Variants in SPAG6 observed in about 807,000 individuals in gnomAD.
SPAG6 encodes the protein sperm-associated antigen 6.
Under a neutral mutation model 58.5 loss-of-function variants are expected in SPAG6, and 49 were observed. The ratio of observed to expected loss-of-function variants is 0.84; its 90% CI spans 0.67 to 1.06. The LOEUF (loss-of-function observed/expected upper bound fraction) is 1.06. Among genes scored for constraint, SPAG6 ranks in the 50% least tolerant of loss-of-function variants. The pLI is 0.00. For synonymous variants in SPAG6, 233 were observed against 225.6 expected, an observed-to-expected ratio of 1.03 and a Z score of -0.29; for missense variants, 560 against 611.3, an observed-to-expected ratio of 0.92 and a Z score of 0.89.
intron 2 of SPAG6, among the ~76,000 whole-genome samples, chr10:22,353,565 T>C (rs1836788771): frequency 6.6e-6 from 1 of 152,236 alleles, no homozygotes; most frequent in Non-Finnish European, 1.5e-5. Context: ...GCTTTTATTT[T>C]AACTAAAATT....
Position 22,354,845 on chromosome 10 carries a change from C to T in SPAG6, c.121+9027C>T, listed in dbSNP as rs895041823. ...GCCAACATGGTAAACCCCATCTCTA[C>T]TAAAAATACAAAAATTAGCCAGGTG... On this transcript the variant is annotated intron_variant, in intron 2 of 10. Coordinates refer to ENST00000376624, the MANE Select transcript of SPAG6 (RefSeq NM_012443.4). Among the ~76,000 whole-genome samples, 4 of 152,202 alleles carry T rather than the reference C, an allele frequency of 2.6e-5. No homozygotes were observed. The South Asian group carries it at 8.3e-4, about 32-fold the overall frequency.
In SPAG6 at chr10:22,399,149, G is replaced by C. The variant is rs539336531; in HGVS notation, c.1198-2012G>C. Among the ~76,000 whole-genome samples the C allele has an allele frequency of 5.3e-5, 8 of 152,264 alleles. No homozygotes were observed. The East Asian group carries it at 1.5e-3, about 29-fold the overall frequency. On this transcript the variant is annotated intron_variant, in intron 8 of 10. Transcript: ENST00000376624. ...TAAGTCTTTTTAACAACTTTATTGA[G>C]ATATAATTTACATACCATAAATTCA... is the stretch of plus-strand genomic sequence containing the variant.
At chr10:22,401,532 A>G (rs55896335) in intron 9 of SPAG6, among the ~76,000 whole-genome samples, 6 of 152,294 alleles carry the variant, frequency 3.9e-5, no homozygotes, top group South Asian at 4.1e-4. Context: ...CTCTCATAAT[A>G]TAGATAATTT....
rs1836508236 is a variant in SPAG6 at position 22,345,844 on chromosome 10, C to T, written c.121+26C>T. 1 of 1,602,266 alleles carries T rather than the reference C, an allele frequency of 6.2e-7. No homozygotes were observed. The highest frequency in any genetic ancestry group is 1.7e-4 in the Middle Eastern group (1 of 6,052). On this transcript the variant is annotated intron_variant, in intron 2 of 10. Transcript: ENST00000376624. The surrounding 1 kb of genome is among the most constrained non-coding windows in gnomAD (Gnocchi z 6.3). Reference sequence around the variant, plus strand: ...GTGAGCCCGGAGCCCGAACCCCCGTCGCCCCCCGCGCACTGAGTCCCCGAC... The same window carrying T: ...GTGAGCCCGGAGCCCGAACCCCCGTTGCCCCCCGCGCACTGAGTCCCCGAC...
chr10:22,404,088 C>A, intron 9 of SPAG6, among the ~76,000 whole-genome samples: 1 of 120,850 alleles, frequency 8.3e-6, no homozygotes, highest in South Asian at 3.2e-4. Flanking sequence ...TGTAGGTTGC[C>A]TGTTCACTCT....
chr10:22,366,485 GGTGAT>G (rs1837206179), intron 3 of SPAG6, among the ~76,000 whole-genome samples: 1 of 152,146 alleles, frequency 6.6e-6, no homozygotes. Context: ...ACTATATAGT[GGTGAT>G]GGTTGTGCAA....
intron 4 of SPAG6, among the ~76,000 whole-genome samples, chr10:22,379,863 C>G (rs1833909435): frequency 6.6e-6 from 1 of 152,118 alleles, no homozygotes; most frequent in Non-Finnish European, 1.5e-5. Context: ...GGCATGATCA[C>G]ACCTCACTGT....
At position 22,401,704 on chromosome 10, in the gene SPAG6, T is replaced by C. The variant is rs547357358; in HGVS notation, c.1314+427T>C. ...ACTGGAGATGTTCTCAGACAGTCATTTGGAGCATATCGACTTATTTTGTGA... is the reference window on the plus strand; with the variant it reads ...ACTGGAGATGTTCTCAGACAGTCATCTGGAGCATATCGACTTATTTTGTGA... On this transcript the variant is annotated intron_variant, in intron 9 of 10. Transcript: ENST00000376624. Among the ~76,000 whole-genome samples the C allele has an allele frequency of 9.8e-4, 149 of 152,332 alleles. 1 individual carries two copies. Among genetic ancestry groups the C allele is most frequent in the South Asian group, 3.5e-3 (17 of 4,830 alleles).
chr10:22,375,377 T>C (rs1419604426), intron 4 of SPAG6, among the ~76,000 whole-genome samples: 5 of 152,208 alleles, frequency 3.3e-5, no homozygotes, highest in African/African-American at 4.8e-5. Context: ...GAATTGTACC[T>C]TGAGATAAGA....
chr10:22,356,514 G>A (rs981881289), intron 2 of SPAG6, among the ~76,000 whole-genome samples: 4 of 152,166 alleles, frequency 2.6e-5, no homozygotes, highest in African/African-American at 9.7e-5. Context: ...TTGGCCTACA[G>A]CCAAATTTGA....
chr10:22,399,358 T>C (rs1834361677), intron 8 of SPAG6, among the ~76,000 whole-genome samples: 1 of 152,198 alleles, frequency 6.6e-6, no homozygotes, highest in Non-Finnish European at 1.5e-5. Context: ...ATCTACTTTC[T>C]GTGTTTCTGA....
chr10:22,413,377 C>CA (rs1017084173), intron 10 of SPAG6, among the ~76,000 whole-genome samples: 2 of 151,770 alleles, frequency 1.3e-5, no homozygotes, highest in African/African-American at 4.8e-5. Context: ...ACTAAAAATA[C>CA]AAAAAATTAG....
At chr10:22,381,907 G>C (rs1833966063) in intron 4 of SPAG6, among the ~76,000 whole-genome samples, 1 of 152,124 alleles carries the variant, frequency 6.6e-6, no homozygotes. Context: ...ATTATTCTAA[G>C]TTGAAGATTT....
intron 9 of SPAG6, among the ~76,000 whole-genome samples, chr10:22,407,272 G>C (rs1462097482): frequency 6.6e-6 from 1 of 151,988 alleles, no homozygotes; most frequent in African/African-American, 2.4e-5. Flanking sequence ...GCAGCAGCTG[G>C]TATCGGTTGT....
intron 2 of SPAG6, among the ~76,000 whole-genome samples, chr10:22,347,927 C>T (rs1339637519): frequency 1.3e-5 from 2 of 152,158 alleles, no homozygotes; most frequent in African/African-American, 4.8e-5. Context: ...TAAATACAGA[C>T]ATAATGAATA....
rs1490328245 is a variant in SPAG6, at chr10:22,417,403, C to T, written c.*715C>T. ...CTCATTGAAAGGTTTCTTAGTCTAG[C>T]TCTGCTCATGAATGAACAAAGAAGC... On this transcript the variant is annotated 3_prime_UTR_variant, in exon 11 of 11. Transcript: ENST00000376624. 2 of 152,156 alleles carry T rather than the reference C, an allele frequency of 1.3e-5. No individual in the cohort carries two copies. The highest frequency in any genetic ancestry group is 4.8e-5 in the African/African-American group (2 of 41,418). 9.4% of individuals were successfully genotyped at this position (152,156 alleles called of 1,614,324 possible).
intron 2 of SPAG6, among the ~76,000 whole-genome samples, chr10:22,363,069 A>G (rs1223266848): frequency 6.6e-6 from 1 of 152,214 alleles, no homozygotes; most frequent in Non-Finnish European, 1.5e-5. Flanking sequence ...TGTGGAAAAC[A>G]GTTTGGCAAT....
chr10:22,363,860 G>A (rs1193237541), intron 2 of SPAG6, among the ~76,000 whole-genome samples: 2 of 152,194 alleles, frequency 1.3e-5, no homozygotes, highest in African/African-American at 4.8e-5. Flanking sequence ...GTAGACTGGT[G>A]TAAATTAAAG....
intron 9 of SPAG6, among the ~76,000 whole-genome samples, chr10:22,402,753 T>C (rs986720656): frequency 6.6e-6 from 1 of 152,212 alleles, no homozygotes; most frequent in African/African-American, 2.4e-5. Context: ...ACTAAATTAC[T>C]GCAAGGGAAA....
Sources: allele counts gnomAD v4.1 joint callset (sites outside exome capture counted in the v4.1 genomes callset), GRCh38; gene constraint gnomAD v4.1.1; non-coding constraint Gnocchi (gnomAD v3.1); transcripts MANE v1.5; gene names NCBI Gene and HGNC (gene_info 2026-07-23, HGNC 2026-07-21).